Variants in ANO4 observed in about 807,000 individuals in gnomAD.
ANO4 encodes the protein anoctamin 4.
In ANO4, 69 loss-of-function variants were observed where a neutral mutation model predicts 141.9. The ratio of observed to expected loss-of-function variants is 0.49; its 90% CI spans 0.40 to 0.59. ANO4 has a LOEUF of 0.59. Among genes scored for constraint, ANO4 ranks in the 20% least tolerant of loss-of-function variants. ANO4 has a pLI of 0.00. For missense variants in ANO4, 894 were observed against 1,162.2 expected (o/e 0.77, Z 3.36); for synonymous variants, 350 against 394.3 (o/e 0.89, Z 1.33).
chr12:101,022,844 A>C (rs1460857746), intron 9 of ANO4, among the ~76,000 whole-genome samples: 1 of 152,090 alleles, frequency 6.6e-6, no homozygotes, highest in Non-Finnish European at 1.5e-5. Flanking sequence ...GGTTCAAGTG[A>C]TTCTCCTGCC....
At chr12:100,896,642 G>A (rs1389013573) in intron 1 of ANO4, among the ~76,000 whole-genome samples, 1 of 152,110 alleles carries the variant, frequency 6.6e-6, no homozygotes, top group African/African-American at 2.4e-5. Context: ...ATTGGGCTTT[G>A]GGAACTAATA....
chr12:100,939,209 A>G, intron 3 of ANO4, 106 bp from the exon 4 acceptor site: 1 of 1,169,548 alleles, frequency 8.6e-7, no homozygotes, highest in Non-Finnish European at 1.2e-6. Flanking sequence ...GGAGTTAATG[A>G]AATGATGAGA....
At chr12:101,086,445 T>C (rs1280809599) in intron 16 of ANO4, among the ~76,000 whole-genome samples, 1 of 152,184 alleles carries the variant, frequency 6.6e-6, no homozygotes, top group Non-Finnish European at 1.5e-5. Flanking sequence ...TTCTCAACTT[T>C]CAAGCGTGTA....
intron 13 of ANO4, among the ~76,000 whole-genome samples, chr12:101,044,493 T>C (rs932510845): frequency 2.0e-5 from 3 of 152,216 alleles, no homozygotes; most frequent in Non-Finnish European, 2.9e-5. Context: ...TGCGAAGACT[T>C]TTCCAAGAGC....
At chr12:100,877,566 T>G (rs1593605507) in intron 1 of ANO4, among the ~76,000 whole-genome samples, 1 of 148,716 alleles carries the variant, frequency 6.7e-6, no homozygotes, top group South Asian at 2.1e-4. Context: ...GTGGGAGGAG[T>G]CATGAGTTTG....
chr12:100,947,804 A>C (rs575834679), intron 5 of ANO4, among the ~76,000 whole-genome samples: 1 of 152,320 alleles, frequency 6.6e-6, no homozygotes, highest in African/African-American at 2.4e-5. Flanking sequence ...TAAGAGATAA[A>C]GCCATTATTA....
upstream of ANO4, among the ~76,000 whole-genome samples, chr12:100,791,223 C>T (rs2034035438): frequency 6.6e-6 from 1 of 151,956 alleles, no homozygotes; most frequent in South Asian, 2.1e-4. Flanking sequence ...TACTACAATA[C>T]AGAAAATTAG....
At chr12:100,891,706 G>A (rs2040115462) in intron 1 of ANO4, among the ~76,000 whole-genome samples, 1 of 152,030 alleles carries the variant, frequency 6.6e-6, no homozygotes, top group African/African-American at 2.4e-5. Context: ...TTGTGGGATA[G>A]CTAAATCAAT....
At chr12:101,120,731 TC>T in intron 26 of ANO4, 106 bp downstream of exon 26, 1 of 865,768 alleles carries the variant, frequency 1.2e-6, no homozygotes, top group Non-Finnish European at 1.9e-6. Flanking sequence ...TATCTATATT[TC>T]CAGAAGTAGT....
chr12:100,900,369 A>G (rs956469784), intron 1 of ANO4, among the ~76,000 whole-genome samples: 13 of 151,984 alleles, frequency 8.6e-5, no homozygotes, highest in African/African-American at 3.1e-4. Flanking sequence ...TTTGTTACAT[A>G]TGTATACATG....
chr12:100,918,065 G>A (rs2041432609), intron 2 of ANO4, among the ~76,000 whole-genome samples: 1 of 152,146 alleles, frequency 6.6e-6, no homozygotes, highest in Admixed American at 6.6e-5. Flanking sequence ...AATGGCTCAC[G>A]CCTATAATCC....
chr12:100,958,466 C>G (rs1324414824), intron 5 of ANO4, among the ~76,000 whole-genome samples: 1 of 152,136 alleles, frequency 6.6e-6, no homozygotes, highest in Admixed American at 6.5e-5. Context: ...ATCAGAGAGC[C>G]CCTACCCTTG....
chr12:101,120,682 T>A, intron 26 of ANO4, 57 bp downstream of exon 26: 2 of 1,386,460 alleles, frequency 1.4e-6, no homozygotes, highest in Non-Finnish European at 2.0e-6. Context: ...TCAGTAGGAG[T>A]AATGAATAAA....
At chr12:101,016,178 A>G (rs1397055847) in intron 8 of ANO4, among the ~76,000 whole-genome samples, 2 of 152,166 alleles carry the variant, frequency 1.3e-5, no homozygotes, top group African/African-American at 2.4e-5. Flanking sequence ...TGGGTAGCTT[A>G]TAAAGAAACG....
chr12:100,939,684 T>A (rs889200606), intron 4 of ANO4, among the ~76,000 whole-genome samples: 1 of 152,210 alleles, frequency 6.6e-6, no homozygotes, highest in African/African-American at 2.4e-5. Flanking sequence ...ATCATTTTTT[T>A]AAACTGTCCG....
chr12:100,905,238 A>G (rs187388646), intron 2 of ANO4, among the ~76,000 whole-genome samples: 189 of 152,296 alleles, frequency 1.2e-3, no homozygotes, highest in Admixed American at 3.9e-3. Flanking sequence ...TTGTTGACAT[A>G]TAAGTGCTAT....
chr12:100,743,630 A>G (rs1168937751), intron 3 of ANO4, among the ~76,000 whole-genome samples: 1 of 152,298 alleles, frequency 6.6e-6, no homozygotes, highest in Non-Finnish European at 1.5e-5. Context: ...CATGAAAGGT[A>G]TTTTAAAAAT....
intron 1 of ANO4, among the ~76,000 whole-genome samples, chr12:100,861,623 T>C (rs2038479864): frequency 6.6e-6 from 1 of 152,212 alleles, no homozygotes; most frequent in African/African-American, 2.4e-5. Context: ...CTGTAGACTT[T>C]ATAAACATCC....
chr12:100,773,546 T>G (rs1034784992), intron 3 of ANO4, among the ~76,000 whole-genome samples: 3 of 152,218 alleles, frequency 2.0e-5, no homozygotes. Context: ...AATTCCTACA[T>G]TGGGAAGGAT....
Sources: gnomAD v4.1 joint callset for allele counts (sites outside exome capture counted in the v4.1 genomes callset) on GRCh38, gnomAD v4.1.1 for gene constraint, MANE v1.5 for transcripts, NCBI Gene and HGNC (gene_info 2026-07-23, HGNC 2026-07-21) for gene names.